Variants in SEMA6D observed in about 807,000 individuals in gnomAD.
SEMA6D encodes the protein semaphorin 6D.
SEMA6D carries 35 observed loss-of-function variants against 106.6 expected under a neutral mutation model. That is an observed-to-expected ratio of 0.33 (90% CI 0.25 to 0.44). The LOEUF (loss-of-function observed/expected upper bound fraction) is 0.44, where lower values mean the gene tolerates loss of function less well. Ranked by LOEUF, SEMA6D falls within the 20% of genes least tolerant of loss-of-function variation. The pLI is 1.00. For missense variants in SEMA6D, 1,185 were observed against 1,345.9 expected (o/e 0.88, Z 1.87); for synonymous variants, 499 against 487.7 (o/e 1.02, Z -0.31).
rs1258338355 is a variant in SEMA6D, at chr15:47,348,723, C to CAG, written c.-238-63669_-238-63668insGA. 2.5e-3 allele frequency among the ~76,000 whole-genome samples: 115 copies of CAG among 45,626 alleles called. 8 individuals are homozygous for CAG. The highest frequency in any genetic ancestry group is 5.8e-3 in the African/African-American group (102 of 17,542). The allele number at this position is 45,626 out of a possible 152,430, so 29.9% of individuals were successfully genotyped here. A position where few individuals can be genotyped will look rare whatever the true frequency, so the allele number is the denominator to read the frequency against. On this transcript the variant is annotated intron_variant, in intron 1 of 19. Transcript: ENST00000558014. The stretch of plus-strand genomic sequence containing the variant: ...CACACACACACACACACACACCACA[C>CAG]ACACAGAGAGAGAGAGAGAGAGAGA...
chr15:47,256,882 A>G (rs1441070770), intron 1 of SEMA6D, among the ~76,000 whole-genome samples: 1 of 152,082 alleles, frequency 6.6e-6, no homozygotes, highest in Non-Finnish European at 1.5e-5. Context: ...AAAATAAAAA[A>G]TGCTAAAATA....
intron 1 of SEMA6D, among the ~76,000 whole-genome samples, chr15:47,390,899 G>A (rs2040006881): frequency 6.6e-6 from 1 of 151,952 alleles, no homozygotes; most frequent in African/African-American, 2.4e-5. Flanking sequence ...ATTAATAACC[G>A]AGAAGCAGGA....
chr15:47,225,992 C>T (rs1247038576), intron 1 of SEMA6D, among the ~76,000 whole-genome samples: 1 of 151,986 alleles, frequency 6.6e-6, no homozygotes, highest in Non-Finnish European at 1.5e-5. Context: ...AAGTCCTAAT[C>T]CCCAGTACTT....
At chr15:47,524,312 C>T (rs761485887) in intron 3 of SEMA6D, among the ~76,000 whole-genome samples, 16 of 152,080 alleles carry the variant, frequency 1.1e-4, no homozygotes, top group Non-Finnish European at 1.5e-4. Flanking sequence ...GGGAATTGTG[C>T]GGGAGAATGA....
intron 3 of SEMA6D, among the ~76,000 whole-genome samples, chr15:47,544,041 A>G (rs1405621825): frequency 6.6e-6 from 1 of 152,158 alleles, no homozygotes; most frequent in Non-Finnish European, 1.5e-5. Flanking sequence ...TAATTAAAGA[A>G]GTTTGGTTAA....
At chr15:47,497,734 C>G (rs569009249) in intron 3 of SEMA6D, among the ~76,000 whole-genome samples, 1 of 152,052 alleles carries the variant, frequency 6.6e-6, no homozygotes, top group African/African-American at 2.4e-5. Flanking sequence ...CCAAATCCAC[C>G]TTCTGCTATA....
At chr15:47,762,909 G>A in intron 8 of SEMA6D, 107 bp from the exon 9 acceptor site, 3 of 784,436 alleles carry the variant, frequency 3.8e-6, no homozygotes, top group Non-Finnish European at 5.9e-6. Context: ...AGTTCTTGTT[G>A]GCTTGAATGT....
intron 1 of SEMA6D, among the ~76,000 whole-genome samples, chr15:47,247,440 A>C (rs577133989): frequency 1.3e-5 from 2 of 152,208 alleles, no homozygotes; most frequent in African/African-American, 4.8e-5. Flanking sequence ...TGAAAAAAAA[A>C]ACTGTCATCC....
At chr15:47,715,976 A>G (rs541534322), upstream of SEMA6D, among the ~76,000 whole-genome samples, 3 of 152,218 alleles carry the variant, frequency 2.0e-5, no homozygotes, top group Non-Finnish European at 4.4e-5. Flanking sequence ...GGACGCCAGG[A>G]AACAGGCACA....
At chr15:47,215,618 T>A (rs1263521456) in intron 1 of SEMA6D, among the ~76,000 whole-genome samples, 1 of 152,146 alleles carries the variant, frequency 6.6e-6, no homozygotes, top group Non-Finnish European at 1.5e-5. Flanking sequence ...TATTCATACA[T>A]GGTAATATTT....
chr15:47,533,263 A>T (rs1418977457), intron 3 of SEMA6D, among the ~76,000 whole-genome samples: 2 of 152,248 alleles, frequency 1.3e-5, no homozygotes, highest in African/African-American at 4.8e-5. Flanking sequence ...TAGTTCAGGC[A>T]GTATAGGTGT....
chr15:47,534,844 C>G (rs954631665), intron 3 of SEMA6D, among the ~76,000 whole-genome samples: 7 of 152,078 alleles, frequency 4.6e-5, no homozygotes, highest in Non-Finnish European at 1.0e-4. Flanking sequence ...CCCTGCTACA[C>G]TGATGAAAAA....
At chr15:47,450,322 T>C (rs1259927367) in intron 2 of SEMA6D, among the ~76,000 whole-genome samples, 4 of 152,148 alleles carry the variant, frequency 2.6e-5, no homozygotes, top group Non-Finnish European at 5.9e-5. Context: ...ATGTGCTAGA[T>C]GATACTGGAA....
intron 4 of SEMA6D, among the ~76,000 whole-genome samples, chr15:47,690,126 A>G (rs1160978591): frequency 6.6e-6 from 1 of 152,218 alleles, no homozygotes; most frequent in Non-Finnish European, 1.5e-5. Flanking sequence ...ATCTGCAGAC[A>G]TGGTGTTTAG....
intron 1 of SEMA6D, among the ~76,000 whole-genome samples, chr15:47,721,559 C>T (rs930776310): frequency 1.3e-5 from 2 of 152,200 alleles, no homozygotes; most frequent in African/African-American, 4.8e-5. Context: ...CATACCATAA[C>T]ACTTTCTAGT....
Position 47,611,252 on chromosome 15 carries a change from A to G in SEMA6D, c.-55+10356A>G, listed in dbSNP as rs187264782. On this transcript the variant is annotated intron_variant, in intron 4 of 19. Coordinates refer to the SEMA6D transcript ENST00000558014. ...CTTAGTTACAGAATCTGTGCTACAG[A>G]TACCAGTCTTTACATTTGTCTACAT... 4.6e-3 allele frequency among the ~76,000 whole-genome samples: 696 copies of G among 152,258 alleles called. 21 individuals are homozygous for G. The highest frequency in any genetic ancestry group is 0.043 in the Admixed American group (653 of 15,284).
At chr15:47,625,576 CA>C (rs201938399) in intron 4 of SEMA6D, among the ~76,000 whole-genome samples, 1 of 150,412 alleles carries the variant, frequency 6.6e-6, no homozygotes, top group African/African-American at 2.4e-5. Flanking sequence ...ATAAAAATTA[CA>C]AAAAAAAATT....
intron 1 of SEMA6D, among the ~76,000 whole-genome samples, chr15:47,299,903 G>A (rs934962236): frequency 1.6e-5 from 2 of 127,556 alleles, no homozygotes; most frequent in African/African-American, 6.0e-5. Flanking sequence ...TTAGTGTGGA[G>A]AATTATTAAA....
At chr15:47,257,877 T>G (rs561269895) in intron 1 of SEMA6D, among the ~76,000 whole-genome samples, 1 of 152,314 alleles carries the variant, frequency 6.6e-6, no homozygotes, top group South Asian at 2.1e-4. Flanking sequence ...AATTGTAGAT[T>G]TGTCTGTTTC....
Sources: allele counts gnomAD v4.1 joint callset (sites outside exome capture counted in the v4.1 genomes callset), GRCh38; gene constraint gnomAD v4.1.1; transcripts MANE v1.5; gene names NCBI Gene and HGNC (gene_info 2026-07-23, HGNC 2026-07-21).